The following PHACTR3 variants were observed in gnomAD, a reference collection of about 807,000 sequenced individuals.
PHACTR3 encodes the protein protein phosphatase 1, regulatory subunit 123.
Under a neutral mutation model 66.8 loss-of-function variants are expected in PHACTR3, and 16 were observed. The observed-to-expected ratio is 0.24, with a 90% CI of 0.16 to 0.36. The LOEUF is 0.36. Among genes scored for constraint, PHACTR3 ranks in the 10% least tolerant of loss-of-function variants. The probability of loss-of-function intolerance (pLI) is 1.00; values close to 1 mark genes in which losing one functional copy is unlikely to be tolerated. For missense variants in PHACTR3, 647 were observed against 719.9 expected (o/e 0.90, Z 1.16); for synonymous variants, 323 against 292.1 (o/e 1.11, Z -1.08).
At chr20:59,670,115 G>C (rs1051467439) in intron 1 of PHACTR3, among the ~76,000 whole-genome samples, 9 of 152,188 alleles carry the variant, frequency 5.9e-5, no homozygotes, top group African/African-American at 2.2e-4. Flanking sequence ...ATTCTAGTGG[G>C]GGCCATTTAG....
At chr20:59,722,551 G>C (rs2038357918) in intron 1 of PHACTR3, among the ~76,000 whole-genome samples, 1 of 152,150 alleles carries the variant, frequency 6.6e-6, no homozygotes, top group Admixed American at 6.5e-5. Context: ...TTAATGGAGG[G>C]GTGGGAGGAT....
chr20:59,787,428 C>T (rs552019848), intron 7 of PHACTR3, among the ~76,000 whole-genome samples: 4 of 152,188 alleles, frequency 2.6e-5, no homozygotes, highest in Non-Finnish European at 4.4e-5. Context: ...CTTTGAGGGA[C>T]GAAAGGGAAG....
chr20:59,846,238 C>T (rs1198197371), intron 12 of PHACTR3, among the ~76,000 whole-genome samples: 2 of 152,120 alleles, frequency 1.3e-5, no homozygotes, highest in African/African-American at 2.4e-5. Context: ...CAATTGTTAT[C>T]TGAAAGATTT....
intron 5 of PHACTR3, among the ~76,000 whole-genome samples, chr20:59,769,461 T>C (rs2040293220): frequency 6.6e-6 from 1 of 152,222 alleles, no homozygotes; most frequent in East Asian, 1.9e-4. Context: ...GGGAGAGGCC[T>C]GGGACGGCAT....
At chr20:59,826,267 C>G (rs1288019352) in intron 8 of PHACTR3, among the ~76,000 whole-genome samples, 2 of 152,108 alleles carry the variant, frequency 1.3e-5, no homozygotes, top group Non-Finnish European at 2.9e-5. Flanking sequence ...TTGTCTCCCT[C>G]CAGGAATTCC....
At chr20:59,603,120 T>A (rs1398218637), upstream of PHACTR3, among the ~76,000 whole-genome samples, 6 of 152,252 alleles carry the variant, frequency 3.9e-5, no homozygotes, top group African/African-American at 1.4e-4. Context: ...ACGTATCTAT[T>A]CCTAGCAGTT....
chr20:59,737,666 G>T (rs1953713590), intron 1 of PHACTR3, among the ~76,000 whole-genome samples: 1 of 152,150 alleles, frequency 6.6e-6, no homozygotes, highest in Non-Finnish European at 1.5e-5. Context: ...CCCACATGGG[G>T]TGAGCCAGGA....
chr20:59,845,305 G>A, intron 12 of PHACTR3, 40 bp downstream of exon 12: 3 of 1,330,434 alleles, frequency 2.3e-6, no homozygotes, highest in South Asian at 1.2e-5. Flanking sequence ...ACTTATTTTT[G>A]AAACACACAC....
intron 1 of PHACTR3, among the ~76,000 whole-genome samples, chr20:59,585,222 A>G (rs1345659631): frequency 1.3e-5 from 2 of 151,948 alleles, no homozygotes; most frequent in Admixed American, 6.6e-5. Context: ...GCCTTCCCTG[A>G]CTCGGGGTCG....
At chr20:59,591,733 C>T (rs1037732270) in intron 1 of PHACTR3, among the ~76,000 whole-genome samples, 1 of 152,172 alleles carries the variant, frequency 6.6e-6, no homozygotes, top group Admixed American at 6.5e-5. Flanking sequence ...CTTGGGAAAA[C>T]TGTGAATGTT....
chr20:59,581,839 C>T (rs1475379137), intron 1 of PHACTR3, among the ~76,000 whole-genome samples: 3 of 151,438 alleles, frequency 2.0e-5, no homozygotes, highest in Admixed American at 6.6e-5. Flanking sequence ...CGACATTGCT[C>T]CACTGCACTC....
rs546385616 is a variant in PHACTR3, at chr20:59,732,877, T to C, written c.119-10230T>C. ...GCGGACCCTAAGTCTAGGAATTGCATTGTGCAGTTGTTGAGGTCTCTGTTT... is the reference window on the plus strand; with the variant it reads ...GCGGACCCTAAGTCTAGGAATTGCACTGTGCAGTTGTTGAGGTCTCTGTTT... On this transcript the variant is annotated intron_variant, in intron 1 of 12. Coordinates refer to ENST00000371015, the MANE Select transcript of PHACTR3 (RefSeq NM_080672.5). Among the ~76,000 whole-genome samples, 7 of 152,220 alleles carry C rather than the reference T, an allele frequency of 4.6e-5. No homozygotes were observed. In the East Asian group the frequency reaches 5.8e-4, roughly 13 times the overall value.
At chr20:59,781,218 C>T (rs1804664515) in intron 7 of PHACTR3, among the ~76,000 whole-genome samples, 1 of 152,228 alleles carries the variant, frequency 6.6e-6, no homozygotes, top group Admixed American at 6.5e-5. Flanking sequence ...GTTTTGCTTG[C>T]CTGCTTAGCA....
intron 1 of PHACTR3, among the ~76,000 whole-genome samples, chr20:59,657,054 A>C: frequency 6.6e-6 from 1 of 152,094 alleles, no homozygotes; most frequent in East Asian, 1.9e-4. Flanking sequence ...GAGAAAATAA[A>C]GAGCAAGTGC....
intron 1 of PHACTR3, among the ~76,000 whole-genome samples, chr20:59,734,609 T>C (rs893303018): frequency 4.6e-5 from 7 of 152,146 alleles, no homozygotes; most frequent in Non-Finnish European, 8.8e-5. Flanking sequence ...GTGATGAACA[T>C]AGATGATTGC....
chr20:59,787,277 T>C (rs934527589), intron 7 of PHACTR3, among the ~76,000 whole-genome samples: 3 of 152,232 alleles, frequency 2.0e-5, no homozygotes, highest in African/African-American at 7.2e-5. Context: ...CATCCAGGCC[T>C]GTGATGCAAC....
rs559888941 is a variant in PHACTR3, at chr20:59,699,408, C to G, written c.119-43699C>G. Among the ~76,000 whole-genome samples, 18 of 152,106 alleles carry G rather than the reference C, an allele frequency of 1.2e-4. 2 individuals are homozygous for G. The highest frequency in any genetic ancestry group is 7.2e-4 in the Admixed American group (11 of 15,270). ...TGTGACTCCTAAACCCTGGACATAC[C>G]TTTTTATGCTATTAAAAGAAGGCTT... On this transcript the variant is annotated intron_variant, in intron 1 of 12. Coordinates refer to ENST00000371015, the MANE Select transcript of PHACTR3 (RefSeq NM_080672.5).
chr20:59,703,837 A>AGT (rs948830303), intron 1 of PHACTR3, among the ~76,000 whole-genome samples: 3 of 152,086 alleles, frequency 2.0e-5, no homozygotes, highest in African/African-American at 4.8e-5. Flanking sequence ...ATGAAAGTTA[A>AGT]GTGTGTGTGT....
intron 1 of PHACTR3, among the ~76,000 whole-genome samples, chr20:59,670,607 G>GGGC (rs2036158843): frequency 1.7e-5 from 2 of 118,016 alleles, no homozygotes; most frequent in East Asian, 2.4e-4. Flanking sequence ...GCCGGGGGTG[G>GGGC]GGGGGGGGGG....
Sources: allele counts gnomAD v4.1 joint callset (sites outside exome capture counted in the v4.1 genomes callset), GRCh38; gene constraint gnomAD v4.1.1; transcripts MANE v1.5; gene names NCBI Gene and HGNC (gene_info 2026-07-23, HGNC 2026-07-21).